Variants in SPTBN4 observed in about 807,000 individuals in gnomAD.
SPTBN4 encodes spectrin beta, non-erythrocytic 4, also known as spectrin beta chain, non-erythrocytic 4.
Under a neutral mutation model 277.8 loss-of-function variants are expected in SPTBN4, and 96 were observed. That is an observed-to-expected ratio of 0.35 (90% CI 0.29 to 0.41). SPTBN4 has a LOEUF of 0.41. Among genes scored for constraint, SPTBN4 ranks in the 10% least tolerant of loss-of-function variants. The pLI is 1.00. For synonymous variants in SPTBN4, 1,481 were observed against 1,580.3 expected (o/e 0.94, Z 1.49); for missense variants, 3,006 against 3,595.7 (o/e 0.84, Z 4.19).
chr19:40,569,745 G>T lies in SPTBN4; in HGVS notation c.7026+19G>T. The T allele has an allele frequency of 6.2e-7, 1 of 1,604,384 alleles. No individual in the cohort carries two copies. ...TGCTGGGGTAAGTTGAGCCTCGGAT[G>T]GGTGGGGATAGGAGGACCCCTTTTT... is the stretch of plus-strand genomic sequence containing the variant. On this transcript the variant is annotated intron_variant, in intron 32 of 35. Coordinates refer to ENST00000598249, the MANE Select transcript of SPTBN4 (RefSeq NM_020971.3).
rs780187906 is a variant in SPTBN4, at chr19:40,503,853, C to T, written c.1386C>T (p.Pro462=). The change falls in exon 12 of 36, where the codon CCC becomes CCT. Residue 462 remains proline (P), a synonymous_variant. Transcript: ENST00000598249. ...VSQDNFGYEL[P]AVEAAMKKHE... is the part of the protein sequence containing the mutation. The stretch of plus-strand genomic sequence containing the variant: ...AGGACAACTTTGGGTATGAGCTGCC[C>T]GCAGTGGAGGCAGCCATGAAGAAAC... 91 of 1,596,822 alleles carry T rather than the reference C, an allele frequency of 5.7e-5. No individual in the cohort carries two copies. In the Admixed American group the frequency reaches 1.3e-3, roughly 24 times the overall value.
chr19:40,480,233 CAG>C (rs1469374981), intron 2 of SPTBN4, among the ~76,000 whole-genome samples: 15 of 132,112 alleles, frequency 1.1e-4, no homozygotes, highest in African/African-American at 4.2e-4. Context: ...CCGGGGTTAA[CAG>C]AGAGAGACTC....
chr19:40,531,384 G>T (rs2080668453), intron 18 of SPTBN4, among the ~76,000 whole-genome samples: 1 of 151,554 alleles, frequency 6.6e-6, no homozygotes, highest in South Asian at 2.1e-4. Context: ...GCTGGGGTTT[G>T]GCCGGCTGGG....
In SPTBN4 at chr19:40,467,244, C is replaced by CA. The variant is rs1231516437; in HGVS notation, c.-76dup. On this transcript the variant is annotated 5_prime_UTR_variant, in exon 1 of 36. Coordinates refer to ENST00000598249, the MANE Select transcript of SPTBN4 (RefSeq NM_020971.3). ...GGCCGGGCCGGGCAGCGGACGCCGA[C>CA]AGGGAGGGCGGTCGGTCGCGGCGAG... is the stretch of plus-strand genomic sequence containing the variant. 1 of 151,792 alleles carries CA rather than the reference C, an allele frequency of 6.6e-6. No individual in the cohort carries two copies. The highest frequency in any genetic ancestry group is 1.5e-5 in the Non-Finnish European group (1 of 67,742). The allele number at this position is 151,792 out of a possible 1,614,324, so 9.4% of individuals were successfully genotyped here. A position where few individuals can be genotyped will look rare whatever the true frequency, so the allele number is the denominator to read the frequency against.
chr19:40,572,744 A>T lies in SPTBN4; in HGVS notation c.7536+364A>T, dbSNP rs190492300. 444 of 201,258 alleles carry T rather than the reference A, an allele frequency of 2.2e-3. 1 individual carries two copies. Among genetic ancestry groups the T allele is most frequent in the Non-Finnish European group, 3.6e-3 (355 of 97,490 alleles). 12.5% of individuals were successfully genotyped at this position (201,258 alleles called of 1,614,324 possible). On this transcript the variant is annotated intron_variant, in intron 35 of 35. Transcript: ENST00000598249. ...GAGGCCAAGACGGGCAGATCACCTG[A>T]GGTCAGGAGTTTGAGACCAGCCTGG...
rs1457707269 is a variant in SPTBN4 at position 40,515,991 on chromosome 19, A to G, written c.2903+543A>G. Among the ~76,000 whole-genome samples the G allele has an allele frequency of 6.7e-6, 1 of 148,916 alleles. No individual in the cohort carries two copies. Among genetic ancestry groups the G allele is most frequent in the African/African-American group, 2.5e-5 (1 of 40,694 alleles). On this transcript the variant is annotated intron_variant, in intron 15 of 35. Transcript: ENST00000598249. This position sits in a 1 kb window ranked among gnomAD's most constrained non-coding sequence, Gnocchi z 4.1. Reference sequence around the variant, plus strand: ...TATATACACATATATACGTATATATACACATATATACGTATATATACACAC... The same window carrying G: ...TATATACACATATATACGTATATATGCACATATATACGTATATATACACAC...
intron 14 of SPTBN4, among the ~76,000 whole-genome samples, chr19:40,513,899 G>A (rs1354540059): frequency 6.6e-6 from 1 of 152,112 alleles, no homozygotes; most frequent in Non-Finnish European, 1.5e-5. Context: ...TGAAATCAAC[G>A]ACCTATGCTT....
intron 15 of SPTBN4, among the ~76,000 whole-genome samples, chr19:40,517,684 G>C (rs1217706795): frequency 6.6e-6 from 1 of 152,098 alleles, no homozygotes; most frequent in African/African-American, 2.4e-5. Context: ...AAAGCATCCA[G>C]GCCTAAAAAA....
At chr19:40,524,870 T>C (rs1290215184) in intron 17 of SPTBN4, among the ~76,000 whole-genome samples, 1 of 152,230 alleles carries the variant, frequency 6.6e-6, no homozygotes, top group Non-Finnish European at 1.5e-5. Context: ...TTATTGAGCA[T>C]CTACTGTGTG....
intron 16 of SPTBN4, 72 bp downstream of exon 16, chr19:40,520,223 T>A: frequency 2.2e-6 from 1 of 455,792 alleles, no homozygotes; most frequent in Non-Finnish European, 3.0e-6. Flanking sequence ...GACAGGGACA[T>A]GCGGGGGTGG....
At chr19:40,552,499 T>C (rs2076238684) in intron 22 of SPTBN4, among the ~76,000 whole-genome samples, 1 of 151,164 alleles carries the variant, frequency 6.6e-6, no homozygotes, top group Non-Finnish European at 1.5e-5. Flanking sequence ...AAAGATTTAC[T>C]GTGTGCTAAG....
At chr19:40,562,437 G>A (rs971289432) in intron 27 of SPTBN4, among the ~76,000 whole-genome samples, 9 of 151,162 alleles carry the variant, frequency 6.0e-5, no homozygotes, top group African/African-American at 2.2e-4. Flanking sequence ...GGCTGAGGCA[G>A]GAGAATTGCT....
intron 34 of SPTBN4, 52 bp from the exon 35 acceptor site, chr19:40,572,286 G>C: frequency 6.2e-7 from 1 of 1,609,766 alleles, no homozygotes; most frequent in Non-Finnish European, 8.5e-7. Context: ...TGGTGGGCAG[G>C]TGGGCTGGGC....
In SPTBN4 at chr19:40,504,021, CCTG is replaced by C; in HGVS notation, c.1557_1559del (p.Leu520del). 1 of 1,613,976 alleles carries C rather than the reference CCTG, an allele frequency of 6.2e-7. No homozygotes were observed. The highest frequency in any genetic ancestry group is 2.2e-5 in the East Asian group (1 of 44,878). ...GTGACAGCGTCCTGCGCCAGTGGGC[CCTG>C]CTAACTGGGCTTGTGGGTGCCCGGC... On this transcript the variant is annotated inframe_deletion, in exon 12 of 36. Transcript: ENST00000598249.
At chr19:40,508,402 G>A (rs887757042) in intron 13 of SPTBN4, among the ~76,000 whole-genome samples, 36 of 152,272 alleles carry the variant, frequency 2.4e-4, no homozygotes, top group African/African-American at 7.7e-4. Flanking sequence ...AAGTATGATG[G>A]GGGGCTAGGC....
At chr19:40,509,038 A>T (rs2080360707) in intron 13 of SPTBN4, among the ~76,000 whole-genome samples, 1 of 146,204 alleles carries the variant, frequency 6.8e-6, no homozygotes, top group African/African-American at 2.5e-5. Context: ...CCCATCTGAT[A>T]TGAGCGTTCT....
chr19:40,505,096 A>G (rs772946331), intron 12 of SPTBN4, among the ~76,000 whole-genome samples: 12 of 151,620 alleles, frequency 7.9e-5, no homozygotes, highest in Admixed American at 1.3e-4. Context: ...CAAGAAAGAT[A>G]GAAGCCAGCT....
At chr19:40,530,573 A>G in intron 18 of SPTBN4, 1 of 978,094 alleles carries the variant, frequency 1.0e-6, no homozygotes, top group East Asian at 1.2e-4. Context: ...CGCCCCGCCA[A>G]CGCCACTGCC....
At position 40,519,673 on chromosome 19, in the gene SPTBN4, T is replaced by C; in HGVS notation, c.3176T>C (p.Leu1059Pro). 7.2e-7 allele frequency: 1 copy of C among 1,391,408 alleles called. No homozygotes were observed. The highest frequency in any genetic ancestry group is 1.6e-5 in the South Asian group (1 of 61,838). The allele number at this position is 1,391,408 out of a possible 1,614,324, so 86.2% of individuals were successfully genotyped here. Residue 1059 changes from leucine to proline, a missense_variant, in exon 16 of 36, where the codon CTG (leucine) becomes CCG (proline). This residue lies in a region of SPTBN4 where 1,759 missense variants were observed against 2,061.5 expected (regional missense o/e 0.85). Coordinates refer to ENST00000598249, the MANE Select transcript of SPTBN4 (RefSeq NM_020971.3). The surrounding 1 kb of genome is among the most constrained non-coding windows in gnomAD (Gnocchi z 5.7). ...AERFPAQAARLHQGAEELGAE... is the reference protein window; with the variant it reads ...AERFPAQAARPHQGAEELGAE... Reference sequence around the variant, plus strand: ...CGCTTCCCGGCGCAGGCGGCGCGGCTGCACCAGGGCGCGGAGGAGCTGGGC... The same window carrying C: ...CGCTTCCCGGCGCAGGCGGCGCGGCCGCACCAGGGCGCGGAGGAGCTGGGC...
Sources: allele counts gnomAD v4.1 joint callset (sites outside exome capture counted in the v4.1 genomes callset), GRCh38; gene constraint gnomAD v4.1.1; regional missense constraint gnomAD v4.1.1; non-coding constraint Gnocchi (gnomAD v3.1); transcripts MANE v1.5; gene names NCBI Gene and HGNC (gene_info 2026-07-23, HGNC 2026-07-21).